CR2: variants seen among roughly 807,000 people sequenced by gnomAD.
CR2 encodes the protein complement C3d receptor 2.
A neutral mutation model predicts 123.0 loss-of-function variants in CR2; 96 were observed. The ratio of observed to expected loss-of-function variants is 0.78; its 90% CI spans 0.66 to 0.93. The LOEUF is 0.93. Among genes scored for constraint, CR2 ranks in the 40% least tolerant of loss-of-function variants. The probability of loss-of-function intolerance (pLI) is 0.00; values close to 1 mark genes in which losing one functional copy is unlikely to be tolerated. For synonymous variants in CR2, 484 were observed against 469.5 expected (o/e 1.03, Z -0.40); for missense variants, 1,258 against 1,361.0 (o/e 0.92, Z 1.19).
At position 207,485,543 on chromosome 1, in the gene CR2, C is replaced by T; in HGVS notation, c.3268C>T (p.Pro1090Ser). Residue 1090 changes from proline (P) to serine (S), a missense_variant, in exon 19 of 20, where the codon CCA becomes TCA. By Grantham distance (74) the Pro-to-Ser change is moderately conservative. Transcript: ENST00000367057. ...AGTATATTCTGTTGATCCATACAACCCAGCCAGCTGATCAGAAGACAAACT... is the reference window on the plus strand; with the variant it reads ...AGTATATTCTGTTGATCCATACAACTCAGCCAGCTGATCAGAAGACAAACT... ...REVYSVDPYNPAS is the reference protein window; with the variant it reads ...REVYSVDPYNSAS 2 of 1,608,932 alleles carry T rather than the reference C, an allele frequency of 1.2e-6. No homozygotes were observed. Among genetic ancestry groups the T allele is most frequent in the Non-Finnish European group, 1.7e-6 (2 of 1,175,362 alleles).
rs1170521576 is a variant in CR2, at chr1:207,489,876, A to G, written c.*753A>G. ...TACATTAGTCATTCAATAAATTGTAATTGTAAAGAAAACATACAACACTTG... is the reference window on the plus strand; with the variant it reads ...TACATTAGTCATTCAATAAATTGTAGTTGTAAAGAAAACATACAACACTTG... On this transcript the variant is annotated 3_prime_UTR_variant, in exon 20 of 20. Coordinates refer to ENST00000367057, the MANE Select transcript of CR2 (RefSeq NM_001006658.3). 6.7e-6 allele frequency: 1 copy of G among 150,078 alleles called. No homozygotes were observed. The highest frequency in any genetic ancestry group is 6.7e-5 in the Admixed American group (1 of 14,910). The allele number at this position is 150,078 out of a possible 1,614,324, so 9.3% of individuals were successfully genotyped here. A position where few individuals can be genotyped will look rare whatever the true frequency, so the allele number is the denominator to read the frequency against.
chr1:207,471,173 C>T, intron 8 of CR2, 86 bp downstream of exon 8: 3 of 1,315,838 alleles, frequency 2.3e-6, no homozygotes, highest in Non-Finnish European at 2.2e-6. Flanking sequence ...ATCAGTACAC[C>T]CTGCAAGCTC....
chr1:207,487,068 A>T (rs1204524510), intron 19 of CR2, among the ~76,000 whole-genome samples: 1 of 152,212 alleles, frequency 6.6e-6, no homozygotes, highest in Non-Finnish European at 1.5e-5. Context: ...AAAAGGTCCA[A>T]GTACTGAGCC....
In CR2 at chr1:207,469,774, C is replaced by T. The variant is rs749376455; in HGVS notation, c.897C>T (p.Ser299=). 7 of 1,613,946 alleles carry T rather than the reference C, an allele frequency of 4.3e-6. No homozygotes were observed. In the Admixed American group the frequency reaches 1.2e-4, roughly 27 times the overall value. ...CACTAGCAAATGTCTCATATGGAAG[C>T]ATAGTCACTTACACTTGTGACCCGG... The part of the protein sequence containing the change: ...GNSLANVSYG[S]IVTYTCDPDP... The change falls in exon 6 of 20, where the codon AGC becomes AGT. Residue 299 remains serine, a synonymous_variant. Coordinates refer to ENST00000367057, the MANE Select transcript of CR2 (RefSeq NM_001006658.3).
chr1:207,476,542 G>C (rs962276517), intron 15 of CR2, 123 bp downstream of exon 15: 6 of 842,182 alleles, frequency 7.1e-6, no homozygotes, highest in South Asian at 1.6e-5. Context: ...TACATTAAAG[G>C]CTTTAATTAG....
intron 1 of CR2, among the ~76,000 whole-genome samples, chr1:207,460,579 C>T (rs1657940853): frequency 2.6e-5 from 4 of 152,002 alleles, no homozygotes; most frequent in Admixed American, 2.6e-4. Context: ...CTTTTTTTGC[C>T]TGGACTACCA....
chr1:207,478,134 C>T, intron 16 of CR2, 64 bp downstream of exon 16: 4 of 1,528,976 alleles, frequency 2.6e-6, no homozygotes, highest in Non-Finnish European at 2.7e-6. Flanking sequence ...GTGAGAGTTT[C>T]CCTCAGCGTG....
chr1:207,469,297 G>A (rs1365492898), intron 5 of CR2, 65 bp downstream of exon 5: 9 of 1,234,640 alleles, frequency 7.3e-6, no homozygotes, highest in South Asian at 1.2e-5. Context: ...TTTTGGTTCA[G>A]TCATTACCTT....
At position 207,475,132 on chromosome 1, in the gene CR2, G is replaced by C; in HGVS notation, c.2632G>C (p.Gly878Arg). 1 of 1,612,614 alleles carries C rather than the reference G, an allele frequency of 6.2e-7. No individual in the cohort carries two copies. The highest frequency in any genetic ancestry group is 1.7e-5 in the Admixed American group (1 of 59,828). ...CATAGTGTATGTTGACTGCAATCCT[G>C]GCTTCATCATGAATGGTAGTCGCGT... Reference protein sequence around the residue: ...NDIVYVDCNPGFIMNGSRVIR... With the variant: ...NDIVYVDCNPRFIMNGSRVIR... Residue 878 changes from glycine (G) to arginine (R), a missense_variant, in exon 14 of 20, where the codon GGC becomes CGC. Transcript: ENST00000367057.
intron 1 of CR2, among the ~76,000 whole-genome samples, chr1:207,464,976 G>C (rs1658057636): frequency 6.6e-6 from 1 of 152,150 alleles, no homozygotes. Context: ...AGTCGCCCAG[G>C]CTGGAGTGCA....
At chr1:207,470,607 T>C in intron 6 of CR2, 133 bp from the exon 7 acceptor site, 1 of 843,484 alleles carries the variant, frequency 1.2e-6, no homozygotes. Flanking sequence ...AAAGCTGGTC[T>C]GCAACATATG....
intron 1 of CR2, among the ~76,000 whole-genome samples, chr1:207,459,116 C>G (rs781202878): frequency 1.1e-4 from 16 of 152,088 alleles, no homozygotes; most frequent in Non-Finnish European, 1.8e-4. Flanking sequence ...AATAATTATC[C>G]TTGGCTACAA....
rs367581933 is a variant in CR2 at position 207,466,801 on chromosome 1, G to A, written c.334G>A (p.Asp112Asn). The change falls in exon 2 of 20, where the codon GAT (aspartate) becomes AAT (asparagine). Residue 112 changes from aspartate (D) to asparagine (N), a missense_variant. By Grantham distance (23) the Asp-to-Asn change is conservative. Coordinates refer to ENST00000367057, the MANE Select transcript of CR2 (RefSeq NM_001006658.3). ...AGGCTCTACACCCTACAGACATGGT[G>A]ATTCTGTGACATTTGCCTGTAAAAC... ...IRGSTPYRHGDSVTFACKTNF... is the reference protein window; with the variant it reads ...IRGSTPYRHGNSVTFACKTNF... 10 of 1,613,918 alleles carry A rather than the reference G, an allele frequency of 6.2e-6. No homozygotes were observed. Among genetic ancestry groups the A allele is most frequent in the Non-Finnish European group, 7.6e-6 (9 of 1,179,982 alleles).
At chr1:207,486,854 G>C (rs1658763759) in intron 19 of CR2, among the ~76,000 whole-genome samples, 3 of 152,176 alleles carry the variant, frequency 2.0e-5, no homozygotes, top group Admixed American at 2.0e-4. Context: ...GAGCAGGACT[G>C]GGGAGAAAAA....
At chr1:207,475,356 T>C (rs1658408300) in intron 14 of CR2, 140 bp downstream of exon 14, 1 of 880,838 alleles carries the variant, frequency 1.1e-6, no homozygotes, top group South Asian at 1.8e-5. Flanking sequence ...ATATTTGCCT[T>C]TTCCTATCTT....
At position 207,464,005 on chromosome 1, in the gene CR2, G is replaced by A. The variant is rs376264404; in HGVS notation, c.59-2521G>A. Among the ~76,000 whole-genome samples the A allele has an allele frequency of 1.5e-3, 231 of 152,144 alleles. 1 individual carries two copies. The highest frequency in any genetic ancestry group is 6.8e-3 in the Middle Eastern group (2 of 294). ...CTCATGGCCCCCAATCCTACCACAC[G>A]TTCCTTTGTTTACTGTCCTTTGATT... On this transcript the variant is annotated intron_variant, in intron 1 of 19. Transcript: ENST00000367057.
intron 1 of CR2, among the ~76,000 whole-genome samples, chr1:207,455,426 G>A (rs1332207491): frequency 6.6e-6 from 1 of 152,198 alleles, no homozygotes; most frequent in East Asian, 1.9e-4. Flanking sequence ...AGCAAAGAAA[G>A]TTGGATGTTA....
chr1:207,486,999 T>A (rs2182912), intron 19 of CR2, among the ~76,000 whole-genome samples: 129,131 of 152,182 alleles, frequency 0.85, 55,126 homozygotes, highest in East Asian at 0.96. Flanking sequence ...CATCATGTGG[T>A]TGTACATAAC....
chr1:207,466,608 A>T lies in CR2; in HGVS notation c.141A>T (p.Ile47=). The T allele has an allele frequency of 6.2e-7, 1 of 1,614,136 alleles. No homozygotes were observed. Among genetic ancestry groups the T allele is most frequent in the Non-Finnish European group, 8.5e-7 (1 of 1,179,992 alleles). The change falls in exon 2 of 20, where the codon ATA becomes ATT. Residue 47 remains isoleucine, a synonymous_variant. Coordinates refer to ENST00000367057, the MANE Select transcript of CR2 (RefSeq NM_001006658.3). ...YSTPIAVGTV[I]RYSCSGTFRL... Reference sequence around the variant, plus strand: ...CCCCCATTGCTGTTGGTACCGTGATAAGGTACAGTTGTTCAGGTACCTTCC... The same window carrying T: ...CCCCCATTGCTGTTGGTACCGTGATTAGGTACAGTTGTTCAGGTACCTTCC...
Sources: allele counts gnomAD v4.1 joint callset (sites outside exome capture counted in the v4.1 genomes callset), GRCh38; gene constraint gnomAD v4.1.1; transcripts MANE v1.5; gene names NCBI Gene and HGNC (gene_info 2026-07-23, HGNC 2026-07-21).